GNAQ: variants seen among roughly 807,000 people sequenced by gnomAD.
The protein encoded by GNAQ is G protein subunit alpha q.
GNAQ carries 8 observed loss-of-function variants against 43.9 expected under a neutral mutation model. The ratio of observed to expected loss-of-function variants is 0.18; its 90% CI spans 0.11 to 0.33. The LOEUF (loss-of-function observed/expected upper bound fraction) is 0.33. Ranked by LOEUF, GNAQ falls within the 10% of genes least tolerant of loss-of-function variation. The pLI is 1.00. For synonymous variants in GNAQ, 155 were observed against 170.7 expected, an observed-to-expected ratio of 0.91 and a Z score of 0.71; for missense variants, 158 against 450.8, an observed-to-expected ratio of 0.35 and a Z score of 5.88.
Position 77,791,311 on chromosome 9 carries a change from G to C in GNAQ, c.735+3152C>G, listed in dbSNP as rs376391767. Among the ~76,000 whole-genome samples, 11 of 152,264 alleles carry C rather than the reference G, an allele frequency of 7.2e-5. 1 individual carries two copies. Among genetic ancestry groups the C allele is most frequent in the Admixed American group, 6.5e-4 (10 of 15,290 alleles). On this transcript the variant is annotated intron_variant, in intron 5 of 6. Transcript: ENST00000286548. Reference sequence around the variant, plus strand: ...AGAAAAATAAAGATTAAAAGGCAGTGTTTGGATACACACTGATAAACTAAA... The same window carrying C: ...AGAAAAATAAAGATTAAAAGGCAGTCTTTGGATACACACTGATAAACTAAA...
At chr9:77,924,504 T>C (rs2118285207) in intron 1 of GNAQ, among the ~76,000 whole-genome samples, 1 of 152,296 alleles carries the variant, frequency 6.6e-6, no homozygotes. Context: ...CAACAGGACC[T>C]TTTTTCTCCT....
chr9:77,953,391 T>C (rs1389822376), intron 1 of GNAQ, among the ~76,000 whole-genome samples: 1 of 152,266 alleles, frequency 6.6e-6, no homozygotes, highest in Non-Finnish European at 1.5e-5. Context: ...ATGATTTGTA[T>C]GCTTTGAAAA....
intron 1 of GNAQ, among the ~76,000 whole-genome samples, chr9:77,943,820 C>T (rs953646026): frequency 6.6e-6 from 1 of 152,042 alleles, no homozygotes; most frequent in African/African-American, 2.4e-5. Flanking sequence ...GTACACAACA[C>T]CACGCCTGGC....
intron 2 of GNAQ, among the ~76,000 whole-genome samples, chr9:77,878,398 A>G (rs946257483): frequency 5.3e-5 from 8 of 152,122 alleles, no homozygotes; most frequent in African/African-American, 1.9e-4. Context: ...TGCCTTACAA[A>G]TCTGTGACTT....
At chr9:78,002,178 A>G (rs917436412) in intron 1 of GNAQ, among the ~76,000 whole-genome samples, 30 of 152,164 alleles carry the variant, frequency 2.0e-4, no homozygotes, top group African/African-American at 6.8e-4. Flanking sequence ...TAATCAGAGG[A>G]AGACATATTT....
chr9:77,883,402 C>A (rs1167358485), intron 2 of GNAQ, among the ~76,000 whole-genome samples: 1 of 151,434 alleles, frequency 6.6e-6, no homozygotes, highest in Non-Finnish European at 1.5e-5. Flanking sequence ...GAGTAGAGTG[C>A]TTTTCTAGGT....
At chr9:77,794,202 T>C (rs761214838) in intron 5 of GNAQ, among the ~76,000 whole-genome samples, 2 of 152,184 alleles carry the variant, frequency 1.3e-5, no homozygotes, top group South Asian at 2.1e-4. Context: ...AGGATTTCCA[T>C]GTTATTTTCA....
At chr9:77,874,312 A>G (rs1828095453) in intron 2 of GNAQ, among the ~76,000 whole-genome samples, 1 of 152,096 alleles carries the variant, frequency 6.6e-6, no homozygotes, top group African/African-American at 2.4e-5. Context: ...CTTGTCTTCT[A>G]TGAAACCTCC....
chr9:77,805,131 G>A (rs1294719916), intron 3 of GNAQ, among the ~76,000 whole-genome samples: 1 of 152,154 alleles, frequency 6.6e-6, no homozygotes, highest in Non-Finnish European at 1.5e-5. Flanking sequence ...GGTATCTTGA[G>A]GGGAGAGTCA....
chr9:77,932,295 C>T (rs951681512), intron 1 of GNAQ, among the ~76,000 whole-genome samples: 20 of 152,144 alleles, frequency 1.3e-4, no homozygotes, highest in Non-Finnish European at 2.8e-4. Flanking sequence ...ATATAGATTG[C>T]ATATCAGACA....
intron 2 of GNAQ, among the ~76,000 whole-genome samples, chr9:77,827,524 C>T (rs1827218413): frequency 6.6e-6 from 1 of 151,750 alleles, no homozygotes; most frequent in South Asian, 2.1e-4. Flanking sequence ...CCCCTACTTC[C>T]TTTTTACTGT....
In GNAQ at chr9:77,717,899, T is replaced by A. The variant is rs1825250707; in HGVS notation, c.*3424A>T. 4.3e-6 allele frequency: 1 copy of A among 232,510 alleles called. No homozygotes were observed. The allele number at this position is 232,510 out of a possible 1,614,324, so 14.4% of individuals were successfully genotyped here. ...TTAAAAACAAAAACTTCTAGGAGAT[T>A]TATTTACTTTTGAATGGGTGTGTTA... On this transcript the variant is annotated 3_prime_UTR_variant, in exon 7 of 7. Transcript: ENST00000286548.
intron 5 of GNAQ, among the ~76,000 whole-genome samples, chr9:77,755,951 C>T (rs115561325): frequency 0.013 from 1,950 of 152,154 alleles, 35 homozygotes; most frequent in African/African-American, 0.044. Flanking sequence ...GTCAGCGGAA[C>T]GGGAAAGGCA....
intron 5 of GNAQ, among the ~76,000 whole-genome samples, chr9:77,783,304 A>G (rs896292289): frequency 2.6e-5 from 4 of 152,210 alleles, no homozygotes; most frequent in Non-Finnish European, 4.4e-5. Context: ...ATTCCTCTAC[A>G]ACACAAAGTA....
intron 1 of GNAQ, among the ~76,000 whole-genome samples, chr9:77,944,307 T>G (rs75864296): frequency 0.018 from 2,757 of 151,622 alleles, 81 homozygotes; most frequent in African/African-American, 0.062. Flanking sequence ...TCACAAATCT[T>G]CCGCCATACC....
At chr9:77,875,604 C>G (rs1335273948) in intron 2 of GNAQ, among the ~76,000 whole-genome samples, 1 of 152,196 alleles carries the variant, frequency 6.6e-6, no homozygotes, top group Non-Finnish European at 1.5e-5. Flanking sequence ...AGGTTTAATG[C>G]CACTAAAGAG....
chr9:77,938,607 G>A (rs920720028), intron 1 of GNAQ, among the ~76,000 whole-genome samples: 3 of 152,180 alleles, frequency 2.0e-5, no homozygotes, highest in Non-Finnish European at 4.4e-5. Flanking sequence ...GCAGGTTGTG[G>A]CTGTAGTCTG....
chr9:77,772,972 A>G (rs1826249981), intron 5 of GNAQ, among the ~76,000 whole-genome samples: 1 of 152,252 alleles, frequency 6.6e-6, no homozygotes, highest in African/African-American at 2.4e-5. Flanking sequence ...AAAGTTTACA[A>G]ATTTGTGTTG....
intron 4 of GNAQ, among the ~76,000 whole-genome samples, chr9:77,794,989 C>A (rs1219515637): frequency 6.6e-6 from 1 of 152,092 alleles, no homozygotes; most frequent in East Asian, 1.9e-4. Context: ...GAAAAAAGAT[C>A]CTCATGTATT....
Sources: allele counts gnomAD v4.1 joint callset (sites outside exome capture counted in the v4.1 genomes callset), GRCh38; gene constraint gnomAD v4.1.1; transcripts MANE v1.5; gene names NCBI Gene and HGNC (gene_info 2026-07-23, HGNC 2026-07-21).